Variants in TMEM50B observed in about 807,000 individuals in gnomAD.
TMEM50B encodes the protein HCV p7-trans-regulated protein 3.
In TMEM50B, 14 loss-of-function variants were observed where a neutral mutation model predicts 23.4. The ratio of observed to expected loss-of-function variants is 0.60; its 90% CI spans 0.39 to 0.93. TMEM50B has a LOEUF of 0.93. Ranked by LOEUF, TMEM50B falls within the 40% of genes least tolerant of loss-of-function variation. TMEM50B has a pLI of 0.00. For synonymous variants in TMEM50B, 64 were observed against 62.3 expected (o/e 1.03, Z -0.13); for missense variants, 159 against 193.0 (o/e 0.82, Z 1.04).
downstream of TMEM50B, among the ~76,000 whole-genome samples, chr21:33,444,613 GAAT>G (rs2084036078): frequency 6.6e-6 from 1 of 151,718 alleles, no homozygotes; most frequent in Admixed American, 6.6e-5. Context: ...TGATCACACT[GAAT>G]AATGTTTTTG....
At chr21:33,466,889 G>T in intron 3 of TMEM50B, 121 bp downstream of exon 3, 1 of 710,488 alleles carries the variant, frequency 1.4e-6, no homozygotes, top group Non-Finnish European at 2.3e-6. Flanking sequence ...AATTATGTAT[G>T]TATCATGTTA....
downstream of TMEM50B, among the ~76,000 whole-genome samples, chr21:33,447,490 ATGT>A (rs1003224419): frequency 2.6e-4 from 39 of 152,260 alleles, no homozygotes; most frequent in African/African-American, 8.4e-4. Context: ...TCCTGAGTTG[ATGT>A]TGTGACTGAA....
At chr21:33,477,438 A>G (rs1056830625) in intron 1 of TMEM50B, among the ~76,000 whole-genome samples, 1 of 152,208 alleles carries the variant, frequency 6.6e-6, no homozygotes, top group Admixed American at 6.5e-5. Context: ...GTGAACAAAC[A>G]AGGAATTCTA....
chr21:33,475,413 T>C (rs571089024), intron 1 of TMEM50B, among the ~76,000 whole-genome samples: 58 of 152,204 alleles, frequency 3.8e-4, no homozygotes, highest in African/African-American at 1.4e-3. Context: ...AGTGGCACGA[T>C]CTTGGCTCAC....
At chr21:33,448,912 A>G (rs2084091619), downstream of TMEM50B, 1 of 152,076 alleles carries the variant, frequency 6.6e-6, no homozygotes, top group African/African-American at 2.4e-5. Context: ...GTCTTTAAAA[A>G]AAAAAAAAAA....
intron 1 of TMEM50B, among the ~76,000 whole-genome samples, chr21:33,474,998 C>T (rs976504305): frequency 1.3e-5 from 2 of 150,840 alleles, no homozygotes; most frequent in African/African-American, 4.9e-5. Context: ...GTGATCTGAG[C>T]TCACTGCAAC....
chr21:33,468,161 G>T (rs1308654314), intron 2 of TMEM50B, among the ~76,000 whole-genome samples: 3 of 150,050 alleles, frequency 2.0e-5, no homozygotes, highest in African/African-American at 7.3e-5. Context: ...TAAGCTGGAT[G>T]ATAGACACAT....
intron 4 of TMEM50B, among the ~76,000 whole-genome samples, chr21:33,461,802 CAA>C (rs71322214): frequency 7.1e-6 from 1 of 140,854 alleles, no homozygotes. Context: ...AAAACTGTTT[CAA>C]AAAAAAAAAA....
chr21:33,471,062 C>G (rs1318534041), intron 1 of TMEM50B, among the ~76,000 whole-genome samples: 1 of 152,080 alleles, frequency 6.6e-6, no homozygotes, highest in African/African-American at 2.4e-5. Flanking sequence ...AGTTCAGGAC[C>G]ACCATAACAG....
chr21:33,451,951 C>A (rs1230774603), intron 6 of TMEM50B, among the ~76,000 whole-genome samples: 1 of 152,142 alleles, frequency 6.6e-6, no homozygotes, highest in Non-Finnish European at 1.5e-5. Context: ...TACCCCAGAG[C>A]TTAGAACAGG....
At chr21:33,479,515 C>T (rs1314242283) in intron 1 of TMEM50B, among the ~76,000 whole-genome samples, 4 of 152,208 alleles carry the variant, frequency 2.6e-5, no homozygotes, top group Non-Finnish European at 5.9e-5. Flanking sequence ...GAGATGGAGC[C>T]TCTCCAGCCC....
At position 33,450,726 on chromosome 21, in the gene TMEM50B, A is replaced by T. The variant is rs1879276282; in HGVS notation, c.*92T>A. On this transcript the variant is annotated 3_prime_UTR_variant, in exon 7 of 7. Transcript: ENST00000542230. The stretch of plus-strand genomic sequence containing the variant: ...TAAAGAAACAAAACATTTAATGTAC[A>T]ATCTACTCCATTTGGCAATGTGTAC... The T allele has an allele frequency of 1.1e-6, 1 of 921,786 alleles. No homozygotes were observed. The highest frequency in any genetic ancestry group is 1.7e-6 in the Non-Finnish European group (1 of 590,560). 57.1% of individuals were successfully genotyped at this position (921,786 alleles called of 1,614,324 possible).
chr21:33,475,593 G>A (rs1216518318), intron 1 of TMEM50B, among the ~76,000 whole-genome samples: 10 of 151,966 alleles, frequency 6.6e-5, no homozygotes, highest in African/African-American at 1.4e-4. Context: ...TGATCCACCC[G>A]CCTTGGCCTC....
intron 2 of TMEM50B, among the ~76,000 whole-genome samples, chr21:33,467,376 C>T (rs1034211971): frequency 6.6e-6 from 1 of 152,176 alleles, no homozygotes; most frequent in Non-Finnish European, 1.5e-5. Context: ...GTAATCCCAG[C>T]ACTTTGGGAG....
At chr21:33,438,693 G>A (rs1291015582) in intron 8 of TMEM50B, among the ~76,000 whole-genome samples, 1 of 151,330 alleles carries the variant, frequency 6.6e-6, no homozygotes, top group African/African-American at 2.4e-5. Flanking sequence ...AGCTACATGG[G>A]AGGCAGTTGG....
At chr21:33,454,294 G>T (rs938126339) in intron 6 of TMEM50B, among the ~76,000 whole-genome samples, 1 of 151,864 alleles carries the variant, frequency 6.6e-6, no homozygotes, top group Admixed American at 6.6e-5. Context: ...TGCATACTAT[G>T]TATTAATTAT....
At chr21:33,457,597 G>A (rs1490156928) in intron 5 of TMEM50B, among the ~76,000 whole-genome samples, 2 of 149,460 alleles carry the variant, frequency 1.3e-5, no homozygotes, top group African/African-American at 4.9e-5. Context: ...GTTGCAGTGA[G>A]CCGAGACTGT....
Position 33,477,833 on chromosome 21 carries a change from A to G in TMEM50B, c.-42+2005T>C, listed in dbSNP as rs556434554. On this transcript the variant is annotated intron_variant, in intron 1 of 6. Transcript: ENST00000542230. The stretch of plus-strand genomic sequence containing the variant: ...CCTCAAAAATTATATATATATATAC[A>G]TAAGTTAAAAATAAACTTTAGGCCG... Among the ~76,000 whole-genome samples, 5 of 151,070 alleles carry G rather than the reference A, an allele frequency of 3.3e-5. No individual in the cohort carries two copies. The South Asian group carries it at 8.4e-4, about 25-fold the overall frequency.
chr21:33,447,129 G>A (rs1412581268), downstream of TMEM50B: 4 of 132,492 alleles, frequency 3.0e-5, no homozygotes, highest in Non-Finnish European at 6.2e-5. Context: ...GGTGACAAGA[G>A]CAAAACTCCA....
Sources: gnomAD v4.1 joint callset for allele counts (sites outside exome capture counted in the v4.1 genomes callset) on GRCh38, gnomAD v4.1.1 for gene constraint, MANE v1.5 for transcripts, NCBI Gene and HGNC (gene_info 2026-07-23, HGNC 2026-07-21) for gene names.